HEATR3: variants seen among roughly 807,000 people sequenced by gnomAD.
HEATR3 encodes HEAT repeat containing 3, also known as HEAT repeat-containing protein 3.
HEATR3 carries 56 observed loss-of-function variants against 72.8 expected under a neutral mutation model. The ratio of observed to expected loss-of-function variants is 0.77; its 90% CI spans 0.62 to 0.96. HEATR3 has a LOEUF of 0.96. Among genes scored for constraint, HEATR3 ranks in the 40% least tolerant of loss-of-function variants. HEATR3 has a pLI of 0.00. For missense variants in HEATR3, 747 were observed against 831.4 expected (o/e 0.90, Z 1.25); for synonymous variants, 331 against 318.1 (o/e 1.04, Z -0.43).
intron 4 of HEATR3, among the ~76,000 whole-genome samples, chr16:50,071,689 T>A (rs528198785): frequency 6.6e-6 from 1 of 152,260 alleles, no homozygotes; most frequent in Admixed American, 6.5e-5. Flanking sequence ...CATAACTAGA[T>A]AGGTAGGTAG....
intron 12 of HEATR3, 127 bp from the exon 13 acceptor site, chr16:50,100,103 C>A: frequency 1.2e-6 from 1 of 824,572 alleles, no homozygotes; most frequent in Non-Finnish European, 1.8e-6. Context: ...AACTTACCTG[C>A]CAGGAGTTTA....
At chr16:50,094,334 G>A (rs2037183319) in intron 11 of HEATR3, among the ~76,000 whole-genome samples, 1 of 152,184 alleles carries the variant, frequency 6.6e-6, no homozygotes, top group Non-Finnish European at 1.5e-5. Flanking sequence ...TCCACCAAAG[G>A]TAGTTCTACC....
chr16:50,090,078 G>A (rs1052298245), intron 11 of HEATR3, among the ~76,000 whole-genome samples: 13 of 152,160 alleles, frequency 8.5e-5, no homozygotes, highest in African/African-American at 3.1e-4. Flanking sequence ...AGTGGGGGCT[G>A]GCCACGGTGG....
chr16:50,076,098 A>G (rs1179264833), intron 6 of HEATR3, among the ~76,000 whole-genome samples: 1 of 152,050 alleles, frequency 6.6e-6, no homozygotes, highest in East Asian at 1.9e-4. Context: ...AGGTCTGTTT[A>G]GTATGTACTT....
At chr16:50,075,521 A>T in intron 5 of HEATR3, 50 bp from the exon 6 acceptor site, 1 of 1,542,992 alleles carries the variant, frequency 6.5e-7, no homozygotes, top group Admixed American at 1.7e-5. Context: ...GGTGTAAATT[A>T]TCCAAAGCAG....
rs1382985039 is a variant in HEATR3, at chr16:50,100,465, TGAAGA to T, written c.1743+98_1743+102del. 20 of 1,287,096 alleles carry T rather than the reference TGAAGA, an allele frequency of 1.6e-5. No individual in the cohort carries two copies. The Admixed American group carries it at 1.6e-4, about 10-fold the overall frequency. The allele number at this position is 1,287,096 out of a possible 1,614,324, so 79.7% of individuals were successfully genotyped here. On this transcript the variant is annotated intron_variant, in intron 13 of 14. Coordinates refer to ENST00000299192, the MANE Select transcript of HEATR3 (RefSeq NM_182922.4). ...GGATTTCTTAAAACTTGTGTGGACT[TGAAGA>T]GAAGAAGTCATATCAAGTTGCTTTA...
In HEATR3 at chr16:50,070,276, G is replaced by A. The variant is rs772773701; in HGVS notation, c.498G>A (p.Val166=). Reference sequence around the variant, plus strand: ...ACATAGCCAATGAGACTGTGAACGTGCTGTGGAATATATGGTAAGATGCCT... The same window carrying A: ...ACATAGCCAATGAGACTGTGAACGTACTGTGGAATATATGGTAAGATGCCT... The part of the protein sequence containing the change: ...IENIANETVN[V]LWNICECSSR... The change falls in exon 4 of 15, where the codon GTG becomes GTA. Residue 166 remains valine, a synonymous_variant. Coordinates refer to ENST00000299192, the MANE Select transcript of HEATR3 (RefSeq NM_182922.4). The A allele has an allele frequency of 4.4e-6, 7 of 1,579,298 alleles. No homozygotes were observed. Among genetic ancestry groups the A allele is most frequent in the Non-Finnish European group, 1.7e-6 (2 of 1,150,206 alleles).
rs192977303 is a variant in HEATR3, at chr16:50,106,331, G to T, written c.*1270G>T. 54 of 152,150 alleles carry T rather than the reference G, an allele frequency of 3.5e-4. No individual in the cohort carries two copies. Among genetic ancestry groups the T allele is most frequent in the African/African-American group, 1.1e-3 (46 of 41,510 alleles). 9.4% of individuals were successfully genotyped at this position (152,150 alleles called of 1,614,324 possible). On this transcript the variant is annotated 3_prime_UTR_variant, in exon 15 of 15. Transcript: ENST00000299192. ...GTAACATCACTTCTTGATTTAATTT[G>T]ATATGGAATCAGAATTGGGAGAAGG...
At chr16:50,080,975 T>C (rs2036854380) in intron 7 of HEATR3, among the ~76,000 whole-genome samples, 1 of 152,220 alleles carries the variant, frequency 6.6e-6, no homozygotes, top group Non-Finnish European at 1.5e-5. Flanking sequence ...CCAAGGACCT[T>C]CTACAGGGAG....
At chr16:50,096,100 A>AGATC (rs765568639) in intron 12 of HEATR3, among the ~76,000 whole-genome samples, 5 of 151,116 alleles carry the variant, frequency 3.3e-5, no homozygotes, top group Non-Finnish European at 7.4e-5. Context: ...TGAGGCGGGC[A>AGATC]GATCACCTGA....
chr16:50,072,906 T>G, intron 5 of HEATR3, 192 bp downstream of exon 5: 1 of 516,444 alleles, frequency 1.9e-6, no homozygotes, highest in Non-Finnish European at 3.4e-6. Context: ...CATTCAGTTT[T>G]TCTGCTTTTG....
At chr16:50,088,122 C>T (rs186011592) in intron 11 of HEATR3, among the ~76,000 whole-genome samples, 2 of 152,052 alleles carry the variant, frequency 1.3e-5, no homozygotes, top group African/African-American at 2.4e-5. Context: ...AGTGAAACTC[C>T]GTTTCAAAAA....
intron 12 of HEATR3, among the ~76,000 whole-genome samples, chr16:50,099,068 C>G (rs994533687): frequency 6.6e-6 from 1 of 151,988 alleles, no homozygotes; most frequent in East Asian, 1.9e-4. Context: ...CTCCTGCTCT[C>G]GAGTGATCCT....
chr16:50,066,424 G>T lies in HEATR3; in HGVS notation c.196G>T (p.Val66Leu). Reference protein sequence around the residue: ...ECACAGLARLVQQRPALPGLA... With the variant: ...ECACAGLARLLQQRPALPGLA... ...CGCCTGCGCAGGGCTGGCCCGGCTG[G>T]TGCAGCAGCGGCCGGCACTCCCGGG... Residue 66 changes from valine to leucine, a missense_variant, in exon 2 of 15, where the codon GTG (valine) becomes TTG (leucine). Physicochemically the swap from Val to Leu is conservative, Grantham distance 32. Around this residue, in one of 2 missense-constraint regions of HEATR3, gnomAD observed 161 missense variants for 122.6 expected, o/e 1.31. Transcript: ENST00000299192. 2 of 1,481,722 alleles carry T rather than the reference G, an allele frequency of 1.3e-6. No individual in the cohort carries two copies. The highest frequency in any genetic ancestry group is 1.8e-6 in the Non-Finnish European group (2 of 1,129,872). 91.8% of individuals were successfully genotyped at this position (1,481,722 alleles called of 1,614,324 possible).
At chr16:50,067,830 A>G (rs72796139) in intron 2 of HEATR3, among the ~76,000 whole-genome samples, 2,460 of 152,342 alleles carry the variant, frequency 0.016, 22 homozygotes, top group Non-Finnish European at 0.02. Flanking sequence ...AGCTGTGGGC[A>G]TGGGGTAATG....
chr16:50,097,504 A>G (rs555101028), intron 12 of HEATR3, among the ~76,000 whole-genome samples: 2 of 151,932 alleles, frequency 1.3e-5, no homozygotes, highest in East Asian at 3.9e-4. Context: ...ATCTTTGGAT[A>G]GTAGGAGTCC....
Position 50,078,937 on chromosome 16 carries a change from T to C in HEATR3, c.960T>C (p.Asp320=). Residue 320 remains aspartate (D), a synonymous_variant, in exon 7 of 15, where the codon GAT becomes GAC. Transcript: ENST00000299192. ...TATTAGAGAACACTAATGGGGATGA[T>C]TTGATTGAAGATGATGAAATGGAAG... ...EEILENTNGD[D]LIEDDEMEGI... 6.2e-7 allele frequency: 1 copy of C among 1,614,032 alleles called. No homozygotes were observed. Among genetic ancestry groups the C allele is most frequent in the Non-Finnish European group, 8.5e-7 (1 of 1,179,968 alleles).
chr16:50,087,719 G>A (rs1423383665), intron 11 of HEATR3, among the ~76,000 whole-genome samples: 1 of 152,210 alleles, frequency 6.6e-6, no homozygotes, highest in Admixed American at 6.5e-5. Flanking sequence ...TAAACGTGAA[G>A]ATATTTGCTT....
chr16:50,094,889 T>C, intron 12 of HEATR3, 96 bp downstream of exon 12: 1 of 652,604 alleles, frequency 1.5e-6, no homozygotes, highest in Non-Finnish European at 2.7e-6. Context: ...TACATATTTC[T>C]GTTACAAGAA....
Sources: gnomAD v4.1 joint callset for allele counts (sites outside exome capture counted in the v4.1 genomes callset) on GRCh38, gnomAD v4.1.1 for gene constraint, gnomAD v4.1.1 regional missense constraint, MANE v1.5 for transcripts, NCBI Gene and HGNC (gene_info 2026-07-23, HGNC 2026-07-21) for gene names.